HDLBP: variants seen among roughly 807,000 people sequenced by gnomAD.
HDLBP encodes vigilin.
Under a neutral mutation model 137.3 loss-of-function variants are expected in HDLBP, and 30 were observed. The observed-to-expected ratio is 0.22, with a 90% CI of 0.16 to 0.30. The LOEUF is 0.30. Among genes scored for constraint, HDLBP ranks in the 10% least tolerant of loss-of-function variants. HDLBP has a pLI of 1.00. For synonymous variants in HDLBP, 606 were observed against 596.0 expected, an observed-to-expected ratio of 1.02 and a Z score of -0.24; for missense variants, 1,119 against 1,667.3, an observed-to-expected ratio of 0.67 and a Z score of 5.73.
At chr2:241,283,337 A>T (rs1216329959) in intron 1 of HDLBP, among the ~76,000 whole-genome samples, 1 of 152,246 alleles carries the variant, frequency 6.6e-6, no homozygotes, top group Non-Finnish European at 1.5e-5. Flanking sequence ...GTGCTGATGT[A>T]GAAGCTGCAG....
chr2:241,248,919 A>C (rs528056141), intron 12 of HDLBP, among the ~76,000 whole-genome samples: 1 of 152,322 alleles, frequency 6.6e-6, no homozygotes, highest in East Asian at 1.9e-4. Flanking sequence ...GAAGAACACC[A>C]ACAGCCAACC....
chr2:241,270,970 A>G, intron 1 of HDLBP: 1 of 984,724 alleles, frequency 1.0e-6, no homozygotes, highest in Non-Finnish European at 1.2e-6. Flanking sequence ...CCATTTCTTA[A>G]TACCACCAGG....
chr2:241,286,615 C>A (rs1253630652), intron 1 of HDLBP, among the ~76,000 whole-genome samples: 1 of 152,190 alleles, frequency 6.6e-6, no homozygotes, highest in African/African-American at 2.4e-5. Flanking sequence ...TAAAGCCAGA[C>A]TGTGCTCTGC....
rs1183327892 is a variant in HDLBP at position 241,240,118 on chromosome 2, G to C, written c.2174C>G (p.Thr725Ser). 6.2e-7 allele frequency: 1 copy of C among 1,614,008 alleles called. No homozygotes were observed. Among genetic ancestry groups the C allele is most frequent in the Non-Finnish European group, 8.5e-7 (1 of 1,180,008 alleles). Residue 725 changes from threonine to serine, a missense_variant, in exon 18 of 28, where the codon ACC becomes AGC. Coordinates refer to ENST00000310931, the MANE Select transcript of HDLBP (RefSeq NM_005336.6). This position sits in a 1 kb window ranked among gnomAD's most constrained non-coding sequence, Gnocchi z 5.5. ...QLLHLAEEKQ[T>S]KSFTVDIRAK... Reference sequence around the variant, plus strand: ...GCGGATGTCAACAGTGAAACTCTTGGTTTGCTGCAGAAACCAATCCCACTG... The same window carrying C: ...GCGGATGTCAACAGTGAAACTCTTGCTTTGCTGCAGAAACCAATCCCACTG...
intron 1 of HDLBP, among the ~76,000 whole-genome samples, chr2:241,299,824 A>C (rs1208282660): frequency 6.6e-6 from 1 of 152,108 alleles, no homozygotes; most frequent in Non-Finnish European, 1.5e-5. Context: ...CTGAGGCAGG[A>C]GAACAGCGTG....
intron 24 of HDLBP, among the ~76,000 whole-genome samples, chr2:241,231,716 C>A (rs1364504163): frequency 6.6e-6 from 1 of 152,056 alleles, no homozygotes; most frequent in South Asian, 2.1e-4. Flanking sequence ...CTTCCTTGGG[C>A]CACACAAATG....
In HDLBP at chr2:241,248,176, T is replaced by G. The variant is rs773812907; in HGVS notation, c.1618-60A>C. 22 of 1,554,526 alleles carry G rather than the reference T, an allele frequency of 1.4e-5. No homozygotes were observed. The African/African-American group carries it at 3.0e-4, about 21-fold the overall frequency. Reference sequence around the variant, plus strand: ...TGAGGAAGGACATATATCCCAAATATCAAATATTCCTGAAGTGTGACTTGG... The same window carrying G: ...TGAGGAAGGACATATATCCCAAATAGCAAATATTCCTGAAGTGTGACTTGG... On this transcript the variant is annotated intron_variant, in intron 13 of 27. Transcript: ENST00000310931.
intron 26 of HDLBP, 39 bp from the exon 27 acceptor site, chr2:241,230,000 A>G (rs780667008): frequency 6.4e-7 from 1 of 1,556,814 alleles, no homozygotes; most frequent in Non-Finnish European, 8.7e-7. Context: ...CAGTCTGCCC[A>G]GCACCCCCAG....
chr2:241,300,779 G>A (rs980768893), intron 1 of HDLBP, among the ~76,000 whole-genome samples: 60 of 152,214 alleles, frequency 3.9e-4, no homozygotes, highest in Admixed American at 8.5e-4. Context: ...CCTGTAACAC[G>A]CAGCCAGCAG....
chr2:241,265,514 A>C (rs2073589090), intron 3 of HDLBP, among the ~76,000 whole-genome samples: 1 of 152,224 alleles, frequency 6.6e-6, no homozygotes, highest in Non-Finnish European at 1.5e-5. Flanking sequence ...AGGTTCCCTG[A>C]TTATCATCAC....
chr2:241,283,530 A>G (rs1157434017), intron 1 of HDLBP, among the ~76,000 whole-genome samples: 2 of 149,668 alleles, frequency 1.3e-5, no homozygotes, highest in African/African-American at 5.0e-5. Flanking sequence ...GCTGGAGTGC[A>G]GTGGCATGAT....
chr2:241,256,567 G>A, intron 6 of HDLBP, 33 bp downstream of exon 6: 1 of 1,603,278 alleles, frequency 6.2e-7, no homozygotes, highest in Non-Finnish European at 8.5e-7. Flanking sequence ...CAAGCAGGTA[G>A]GCAGGGGCAC....
chr2:241,299,107 A>G (rs2075294146), intron 1 of HDLBP, among the ~76,000 whole-genome samples: 1 of 152,330 alleles, frequency 6.6e-6, no homozygotes, highest in African/African-American at 2.4e-5. Context: ...CGTAGTCCCA[A>G]CTTACTCTCA....
intron 5 of HDLBP, among the ~76,000 whole-genome samples, chr2:241,259,506 T>A (rs569168701): frequency 6.9e-6 from 1 of 145,110 alleles, no homozygotes; most frequent in African/African-American, 2.4e-5. Context: ...AACTCATGAT[T>A]TTCCTTTTCT....
chr2:241,235,823 A>G (rs1303672743), intron 21 of HDLBP, among the ~76,000 whole-genome samples: 3 of 152,122 alleles, frequency 2.0e-5, no homozygotes, highest in Non-Finnish European at 4.4e-5. Flanking sequence ...TCCCAAGCCT[A>G]CCCTCCTGAA....
intron 2 of HDLBP, 115 bp from the exon 3 acceptor site, chr2:241,267,021 CT>C: frequency 1.4e-6 from 1 of 738,664 alleles, no homozygotes; most frequent in Non-Finnish European, 2.3e-6. Context: ...CAAACTATAC[CT>C]TTTTATTTTC....
intron 1 of HDLBP, 36 bp from the exon 2 acceptor site, chr2:241,268,577 GAA>G: frequency 2.5e-6 from 2 of 815,492 alleles, no homozygotes; most frequent in Non-Finnish European, 3.0e-6. Context: ...GGAGAGAGAG[GAA>G]ACCAGAGAAA....
intron 16 of HDLBP, 65 bp from the exon 17 acceptor site, chr2:241,242,743 G>T: frequency 1.5e-6 from 2 of 1,328,088 alleles, no homozygotes; most frequent in Non-Finnish European, 2.1e-6. Context: ...CAGAGGAAAA[G>T]ATAAACTATC....
intron 1 of HDLBP, chr2:241,269,064 A>G (rs1471921341): frequency 6.6e-6 from 1 of 152,242 alleles, no homozygotes. Flanking sequence ...TCTTGCTGTT[A>G]GCCTGTAAAA....
Sources: gnomAD v4.1 joint callset for allele counts (sites outside exome capture counted in the v4.1 genomes callset) on GRCh38, gnomAD v4.1.1 for gene constraint, Gnocchi (gnomAD v3.1) non-coding constraint, MANE v1.5 for transcripts, NCBI Gene and HGNC (gene_info 2026-07-23, HGNC 2026-07-21) for gene names.